The following HABP2 variants were observed in gnomAD, a reference collection of about 807,000 sequenced individuals.
HABP2 encodes factor VII-activating protease.
HABP2 carries 65 observed loss-of-function variants against 66.5 expected under a neutral mutation model. That is an observed-to-expected ratio of 0.98 (90% CI 0.80 to 1.20). HABP2 has a LOEUF of 1.20. HABP2 is among the 50% of genes most tolerant of loss of function. The pLI, the probability that HABP2 is intolerant of heterozygous loss-of-function variation, is 0.00. For missense variants in HABP2, 786 were observed against 691.0 expected, an observed-to-expected ratio of 1.14 and a Z score of -1.54; for synonymous variants, 263 against 253.9, an observed-to-expected ratio of 1.04 and a Z score of -0.34.
chr10:113,569,273 G>C (rs1490784894), intron 2 of HABP2, among the ~76,000 whole-genome samples: 2 of 152,222 alleles, frequency 1.3e-5, no homozygotes, highest in East Asian at 1.9e-4. Flanking sequence ...CCCTGAAGCA[G>C]ACTTCTCCTG....
In HABP2 at chr10:113,588,877, G is replaced by T; in HGVS notation, c.*508G>T. ...ATAAAGGAAGATCTGGGATGGGCTG[G>T]TGGGCCATTCCAGCTTGCCGAAATC... is the stretch of plus-strand genomic sequence containing the variant. On this transcript the variant is annotated 3_prime_UTR_variant, in exon 13 of 13. Coordinates refer to ENST00000351270, the MANE Select transcript of HABP2 (RefSeq NM_004132.5). 1 of 826,848 alleles carries T rather than the reference G, an allele frequency of 1.2e-6. No homozygotes were observed. The highest frequency in any genetic ancestry group is 2.1e-6 in the Non-Finnish European group (1 of 485,384). 51.2% of individuals were successfully genotyped at this position (826,848 alleles called of 1,614,324 possible).
intron 1 of HABP2, 52 bp downstream of exon 1, chr10:113,553,242 G>A: frequency 7.6e-7 from 1 of 1,320,854 alleles, no homozygotes; most frequent in African/African-American, 1.4e-5. Flanking sequence ...AGTTTACTAG[G>A]AGGACCAAGC....
intron 7 of HABP2, among the ~76,000 whole-genome samples, chr10:113,579,161 A>AGATGGGAG (rs1845473108): frequency 6.6e-6 from 1 of 151,586 alleles, no homozygotes; most frequent in Non-Finnish European, 1.5e-5. Context: ...CAGGAGGCTG[A>AGATGGGAG]GATGGGAGGA....
chr10:113,567,509 G>A lies in HABP2; in HGVS notation c.90G>A (p.Leu30=). 3 of 1,612,330 alleles carry A rather than the reference G, an allele frequency of 1.9e-6. No individual in the cohort carries two copies. Among genetic ancestry groups the A allele is most frequent in the South Asian group, 1.1e-5 (1 of 91,026 alleles). ...TACGFSLMSL[L]ESLDPDWTPD... ...TTCAGTTCTCCCTGATGTCTTTATTGGAAAGCCTGGACCCAGGTAAGTGTG... is the reference window on the plus strand; with the variant it reads ...TTCAGTTCTCCCTGATGTCTTTATTAGAAAGCCTGGACCCAGGTAAGTGTG... Residue 30 remains leucine, a synonymous_variant, in exon 2 of 13, where the codon TTG becomes TTA. Coordinates refer to ENST00000351270, the MANE Select transcript of HABP2 (RefSeq NM_004132.5).
chr10:113,589,545 G>A lies in HABP2; in HGVS notation c.*1176G>A, dbSNP rs998257069. 1.5e-5 allele frequency: 18 copies of A among 1,231,720 alleles called. No individual in the cohort carries two copies. Among genetic ancestry groups the A allele is most frequent in the South Asian group, 7.3e-5 (5 of 68,768 alleles). 76.3% of individuals were successfully genotyped at this position (1,231,720 alleles called of 1,614,324 possible). On this transcript the variant is annotated 3_prime_UTR_variant, in exon 13 of 13. Transcript: ENST00000351270. ...AAATTAGGCGCCTTGTTTGAGCTGC[G>A]TTTCACACTTCTTTAGAGCTAGCTG...
chr10:113,589,257 A>G lies in HABP2; in HGVS notation c.*888A>G. ...AGGGCCTTCAAGGCAGGAATGAGAA[A>G]GCAAAGCCAATCTCTCATTTAGACC... On this transcript the variant is annotated 3_prime_UTR_variant, in exon 13 of 13. Transcript: ENST00000351270. The G allele has an allele frequency of 1.7e-6, 1 of 598,418 alleles. No individual in the cohort carries two copies. The highest frequency in any genetic ancestry group is 2.9e-6 in the Non-Finnish European group (1 of 340,772). 37.1% of individuals were successfully genotyped at this position (598,418 alleles called of 1,614,324 possible).
intron 2 of HABP2, among the ~76,000 whole-genome samples, chr10:113,568,837 T>A (rs1007566520): frequency 6.6e-6 from 1 of 152,052 alleles, no homozygotes; most frequent in Non-Finnish European, 1.5e-5. Context: ...GAAAAAGAAG[T>A]GCGGAAGACT....
intron 3 of HABP2, among the ~76,000 whole-genome samples, chr10:113,575,425 T>C (rs925679406): frequency 6.6e-6 from 1 of 152,212 alleles, no homozygotes; most frequent in Non-Finnish European, 1.5e-5. Context: ...TGGTCTTCTC[T>C]CCTGATGTTC....
At chr10:113,567,137 C>A (rs1223267580) in intron 1 of HABP2, among the ~76,000 whole-genome samples, 1 of 152,120 alleles carries the variant, frequency 6.6e-6, no homozygotes, top group Non-Finnish European at 1.5e-5. Flanking sequence ...GTATGAAATG[C>A]AGCAATGTGT....
intron 2 of HABP2, chr10:113,572,654 C>T (rs10885477): frequency 0.073 from 33,259 of 452,772 alleles, 1,583 homozygotes; most frequent in East Asian, 0.22. Context: ...TGCTTTATCA[C>T]GCTAGATGGA....
At chr10:113,587,028 A>G (rs1254165955) in intron 12 of HABP2, among the ~76,000 whole-genome samples, 2 of 152,208 alleles carry the variant, frequency 1.3e-5, no homozygotes, top group Non-Finnish European at 2.9e-5. Flanking sequence ...CAGCTCATTC[A>G]GGCTGGGCAT....
At chr10:113,578,177 G>T in intron 6 of HABP2, 32 bp downstream of exon 6, 1 of 1,611,362 alleles carries the variant, frequency 6.2e-7, no homozygotes. Flanking sequence ...AGGGCCACAA[G>T]TGAGGCCTCT....
At chr10:113,579,366 G>A (rs914348627) in intron 7 of HABP2, among the ~76,000 whole-genome samples, 1 of 152,324 alleles carries the variant, frequency 6.6e-6, no homozygotes, top group African/African-American at 2.4e-5. Context: ...AAATATTCAG[G>A]ATCAGCAAGA....
chr10:113,574,927 T>TTGTGTG (rs999968890), intron 3 of HABP2, among the ~76,000 whole-genome samples: 6 of 151,828 alleles, frequency 4.0e-5, no homozygotes, highest in Non-Finnish European at 7.4e-5. Flanking sequence ...AATTGTTAGA[T>TTGTGTG]TGTGTGTGTG....
In HABP2 at chr10:113,586,475, TGG is replaced by T. The variant is rs58042481; in HGVS notation, c.1518+550_1518+551del. Among the ~76,000 whole-genome samples the T allele has an allele frequency of 6.7e-3, 534 of 80,250 alleles. 6 individuals are homozygous for T. The highest frequency in any genetic ancestry group is 0.017 in the South Asian group (28 of 1,628). The allele number at this position is 80,250 out of a possible 152,430, so 52.6% of individuals were successfully genotyped here. ...ACTCATGTGTGCGTGTGTGTGTGTG[TGG>T]GGGGGGGGGGGGTGTTTTAGCCCTA... is the stretch of plus-strand genomic sequence containing the variant. On this transcript the variant is annotated intron_variant, in intron 12 of 12. Coordinates refer to ENST00000351270, the MANE Select transcript of HABP2 (RefSeq NM_004132.5).
At position 113,589,470 on chromosome 10, in the gene HABP2, T is replaced by A. The variant is rs1220601704; in HGVS notation, c.*1101T>A. The A allele has an allele frequency of 1.6e-6, 1 of 639,196 alleles. No individual in the cohort carries two copies. Among genetic ancestry groups the A allele is most frequent in the Non-Finnish European group, 2.7e-6 (1 of 376,318 alleles). 39.6% of individuals were successfully genotyped at this position (639,196 alleles called of 1,614,324 possible). A position where few individuals can be genotyped will look rare whatever the true frequency, so the allele number is the denominator to read the frequency against. Reference sequence around the variant, plus strand: ...ATGGCTGTGACTTCAGAGAAAGCCCTGCAGGAAGTTTAACCTGCGTGTCAT... The same window carrying A: ...ATGGCTGTGACTTCAGAGAAAGCCCAGCAGGAAGTTTAACCTGCGTGTCAT... On this transcript the variant is annotated 3_prime_UTR_variant, in exon 13 of 13. Transcript: ENST00000351270.
In HABP2 at chr10:113,589,100, C is replaced by T. The variant is rs1011818831; in HGVS notation, c.*731C>T. ...CCCCGCTGCTGAAATCAAACATACC[C>T]CAAGTTAAAATGAAGCTCCCCCACC... On this transcript the variant is annotated 3_prime_UTR_variant, in exon 13 of 13. Coordinates refer to ENST00000351270, the MANE Select transcript of HABP2 (RefSeq NM_004132.5). The T allele has an allele frequency of 2.5e-6, 4 of 1,606,464 alleles. No homozygotes were observed. Among genetic ancestry groups the T allele is most frequent in the African/African-American group, 2.7e-5 (2 of 74,734 alleles).
intron 1 of HABP2, among the ~76,000 whole-genome samples, chr10:113,564,646 T>C (rs764554588): frequency 3.3e-5 from 5 of 152,192 alleles, no homozygotes; most frequent in Non-Finnish European, 7.3e-5. Flanking sequence ...AACATGTTAT[T>C]TTGTAATTTT....
chr10:113,560,172 C>T (rs980960627), intron 1 of HABP2, among the ~76,000 whole-genome samples: 2 of 152,230 alleles, frequency 1.3e-5, no homozygotes, highest in Non-Finnish European at 1.5e-5. Flanking sequence ...AGTTTTGCCC[C>T]CTTCCCCTGA....
Sources: allele counts gnomAD v4.1 joint callset (sites outside exome capture counted in the v4.1 genomes callset), GRCh38; gene constraint gnomAD v4.1.1; transcripts MANE v1.5; gene names NCBI Gene and HGNC (gene_info 2026-07-23, HGNC 2026-07-21).